Variants in ZFAND3 observed in about 807,000 individuals in gnomAD.
The protein encoded by ZFAND3 is AN1-type zinc finger protein 3.
ZFAND3 carries 10 observed loss-of-function variants against 29.6 expected under a neutral mutation model. The observed-to-expected ratio is 0.34, with a 90% CI of 0.21 to 0.57. The LOEUF is 0.57. Ranked by LOEUF, ZFAND3 falls within the 20% of genes least tolerant of loss-of-function variation. ZFAND3 has a pLI of 0.86. For missense variants in ZFAND3, 230 were observed against 304.5 expected (o/e 0.76, Z 1.82); for synonymous variants, 128 against 112.6 (o/e 1.14, Z -0.87).
At chr6:37,841,665 A>G (rs1413296927) in intron 1 of ZFAND3, among the ~76,000 whole-genome samples, 1 of 151,976 alleles carries the variant, frequency 6.6e-6, no homozygotes, top group Non-Finnish European at 1.5e-5. Context: ...TTGTATTTTT[A>G]TTAGAGACGG....
chr6:37,902,283 C>G (rs1276128820), intron 1 of ZFAND3, among the ~76,000 whole-genome samples: 1 of 151,910 alleles, frequency 6.6e-6, no homozygotes, highest in Non-Finnish European at 1.5e-5. Flanking sequence ...ACAAAAAATA[C>G]AAAATTATTG....
intron 1 of ZFAND3, among the ~76,000 whole-genome samples, chr6:37,904,004 G>C (rs1211168985): frequency 6.6e-6 from 1 of 152,128 alleles, no homozygotes; most frequent in African/African-American, 2.4e-5. Flanking sequence ...TGCTTTTCTG[G>C]AATGCCAAAT....
At chr6:37,986,890 GA>G (rs531760206) in intron 2 of ZFAND3, among the ~76,000 whole-genome samples, 9 of 149,926 alleles carry the variant, frequency 6.0e-5, no homozygotes, top group East Asian at 1.9e-4. Flanking sequence ...TATGTCAGTG[GA>G]AAAAAAAAAT....
intron 2 of ZFAND3, among the ~76,000 whole-genome samples, chr6:37,952,661 G>A (rs1482273019): frequency 6.6e-6 from 1 of 152,052 alleles, no homozygotes; most frequent in East Asian, 1.9e-4. Flanking sequence ...TGTCTGTGGG[G>A]GTCCTGGGGT....
intron 1 of ZFAND3, among the ~76,000 whole-genome samples, chr6:37,870,914 C>G (rs915819933): frequency 6.6e-6 from 1 of 152,096 alleles, no homozygotes; most frequent in Non-Finnish European, 1.5e-5. Context: ...GCAGTTTTGT[C>G]TTTTTCGTTG....
intron 1 of ZFAND3, among the ~76,000 whole-genome samples, chr6:37,869,889 G>A (rs1182036291): frequency 6.6e-6 from 1 of 151,026 alleles, no homozygotes; most frequent in East Asian, 1.9e-4. Context: ...TGTTTGCCCT[G>A]ATGTTTGCTT....
chr6:37,870,055 C>G (rs997003669), intron 1 of ZFAND3, among the ~76,000 whole-genome samples: 2 of 151,972 alleles, frequency 1.3e-5, no homozygotes, highest in African/African-American at 4.8e-5. Flanking sequence ...TTGAATTCCA[C>G]AAATTTCGGT....
At chr6:37,918,169 C>T (rs930726623) in intron 1 of ZFAND3, among the ~76,000 whole-genome samples, 2 of 151,218 alleles carry the variant, frequency 1.3e-5, no homozygotes, top group Non-Finnish European at 3.0e-5. Context: ...CTCTGCCTCA[C>T]GGGTTCACGT....
chr6:37,860,289 T>A (rs1278861389), intron 1 of ZFAND3, among the ~76,000 whole-genome samples: 1 of 151,300 alleles, frequency 6.6e-6, no homozygotes, highest in African/African-American at 2.4e-5. Context: ...TTATAAAATA[T>A]TATGGTTTTA....
intron 1 of ZFAND3, among the ~76,000 whole-genome samples, chr6:37,832,398 A>G (rs1763879111): frequency 6.6e-6 from 1 of 152,224 alleles, no homozygotes; most frequent in South Asian, 2.1e-4. Context: ...ATGAAAGGTC[A>G]TTTGTGAATT....
At chr6:37,820,453 C>A (rs189753819) in intron 1 of ZFAND3, among the ~76,000 whole-genome samples, 1 of 152,198 alleles carries the variant, frequency 6.6e-6, no homozygotes, top group Non-Finnish European at 1.5e-5. Flanking sequence ...TCTTCACCTC[C>A]CCTCCTCCCC....
rs143919573 is a variant in ZFAND3 at position 37,842,464 on chromosome 6, TTATC to T, written c.71+22449_71+22452del. On this transcript the variant is annotated intron_variant, in intron 1 of 5. Coordinates refer to ENST00000287218, the MANE Select transcript of ZFAND3 (RefSeq NM_021943.3). ...TGACACAGTGTAATGTTTTTGATAT[TTATC>T]AGTGTTGTATGAATAAGTTTGTTCA... is the stretch of plus-strand genomic sequence containing the variant. Among the ~76,000 whole-genome samples, 5 of 152,336 alleles carry T rather than the reference TTATC, an allele frequency of 3.3e-5. No homozygotes were observed. The East Asian group carries it at 7.7e-4, about 23-fold the overall frequency.
At chr6:38,101,721 C>T (rs891352459) in intron 4 of ZFAND3, among the ~76,000 whole-genome samples, 11 of 126,336 alleles carry the variant, frequency 8.7e-5, no homozygotes, top group East Asian at 5.0e-4. Context: ...TTGCGGTGAG[C>T]GGAGATCGTG....
At chr6:37,983,061 G>A (rs557280900) in intron 2 of ZFAND3, among the ~76,000 whole-genome samples, 1 of 152,238 alleles carries the variant, frequency 6.6e-6, no homozygotes, top group Admixed American at 6.5e-5. Flanking sequence ...TTGTACAGCT[G>A]TACATTGTGT....
At chr6:37,873,158 C>A (rs767126059) in intron 1 of ZFAND3, among the ~76,000 whole-genome samples, 14 of 152,170 alleles carry the variant, frequency 9.2e-5, no homozygotes, top group Non-Finnish European at 1.8e-4. Context: ...GTAGTACCAG[C>A]TACTTGGGAG....
At position 37,888,564 on chromosome 6, in the gene ZFAND3, A is replaced by G. The variant is rs191125192; in HGVS notation, c.72-41395A>G. Among the ~76,000 whole-genome samples, 718 of 152,074 alleles carry G rather than the reference A, an allele frequency of 4.7e-3. 6 individuals are homozygous for G. The highest frequency in any genetic ancestry group is 0.017 in the African/African-American group (692 of 41,500). ...TTGTATATCCCTTTTCTTTTTTTCC[A>G]CGGTGCTCTGGAATCCTTGGAAATA... On this transcript the variant is annotated intron_variant, in intron 1 of 5. Coordinates refer to ENST00000287218, the MANE Select transcript of ZFAND3 (RefSeq NM_021943.3).
chr6:38,023,747 AC>A (rs1763394560), intron 2 of ZFAND3, among the ~76,000 whole-genome samples: 1 of 152,242 alleles, frequency 6.6e-6, no homozygotes. Flanking sequence ...AATAGCTTTT[AC>A]AAAAAAGTGA....
intron 4 of ZFAND3, among the ~76,000 whole-genome samples, chr6:38,093,049 A>AT (rs1764905116): frequency 6.6e-6 from 1 of 152,242 alleles, no homozygotes; most frequent in African/African-American, 2.4e-5. Flanking sequence ...TATAAGCTAC[A>AT]TAAACTAAGA....
chr6:37,957,467 G>T (rs563446148), intron 2 of ZFAND3, among the ~76,000 whole-genome samples: 2 of 151,860 alleles, frequency 1.3e-5, no homozygotes, highest in East Asian at 1.9e-4. Context: ...AAATAAATTA[G>T]TGAGGCACTT....
Sources: allele counts gnomAD v4.1 joint callset (sites outside exome capture counted in the v4.1 genomes callset), GRCh38; gene constraint gnomAD v4.1.1; transcripts MANE v1.5; gene names NCBI Gene and HGNC (gene_info 2026-07-23, HGNC 2026-07-21).